Variants in PCDHA5 observed in about 807,000 individuals in gnomAD.
PCDHA5 encodes the protein protocadherin alpha 5, also known as protocadherin alpha-5.
A neutral mutation model predicts 61.6 loss-of-function variants in PCDHA5; 43 were observed. That is an observed-to-expected ratio of 0.70 (90% confidence interval 0.55 to 0.90). The LOEUF is 0.90. PCDHA5 is among the 40% of genes least tolerant of loss of function. The pLI is 0.00. For missense variants in PCDHA5, 1,298 were observed against 1,222.7 expected, an observed-to-expected ratio of 1.06 and a Z score of -0.92; for synonymous variants, 627 against 543.9, an observed-to-expected ratio of 1.15 and a Z score of -2.13.
chr5:140,886,841 A>AG (rs1432829346), intron 1 of PCDHA5, among the ~76,000 whole-genome samples: 1 of 151,546 alleles, frequency 6.6e-6, no homozygotes, highest in Non-Finnish European at 1.5e-5. Flanking sequence ...AAAAAAAAAA[A>AG]AAAAAAGAAA....
At chr5:140,917,318 A>G (rs961734758) in intron 1 of PCDHA5, among the ~76,000 whole-genome samples, 1 of 99,850 alleles carries the variant, frequency 1.0e-5, no homozygotes, top group South Asian at 3.3e-4. Context: ...TTTGGTGTTC[A>G]TGTGGCGGGG....
intron 1 of PCDHA5, chr5:140,867,287 A>T (rs1264218929): frequency 1.3e-5 from 2 of 152,110 alleles, no homozygotes; most frequent in African/African-American, 2.4e-5. Context: ...ATGTGCTTCA[A>T]ATATCATGTT....
At chr5:140,879,047 A>G (rs931436432) in intron 1 of PCDHA5, among the ~76,000 whole-genome samples, 1 of 152,238 alleles carries the variant, frequency 6.6e-6, no homozygotes, top group African/African-American at 2.4e-5. Flanking sequence ...AAAGATAGAC[A>G]ACATTTTACC....
intron 3 of PCDHA5, 85 bp from the exon 4 acceptor site, chr5:141,009,542 T>C: frequency 6.5e-7 from 1 of 1,530,742 alleles, no homozygotes; most frequent in Admixed American, 2.1e-5. Context: ...AGCCTGCCTA[T>C]GCAGTACTCC....
chr5:140,966,449 C>CT (rs1737219736), intron 1 of PCDHA5: 1 of 425,908 alleles, frequency 2.3e-6, no homozygotes, highest in South Asian at 9.0e-5. Context: ...CCCTTTCCCC[C>CT]TCCCCCTCTG....
chr5:140,906,965 G>T (rs1273243518), intron 1 of PCDHA5, among the ~76,000 whole-genome samples: 1 of 152,124 alleles, frequency 6.6e-6, no homozygotes, highest in Non-Finnish European at 1.5e-5. Flanking sequence ...ATGGAATCGT[G>T]GTTGTGTCTT....
chr5:140,928,550 C>A (rs781857799), intron 1 of PCDHA5: 1 of 1,614,160 alleles, frequency 6.2e-7, no homozygotes, highest in South Asian at 1.1e-5. Flanking sequence ...GACAATTATC[C>A]GGTTATCTTG....
At chr5:140,860,138 T>C (rs2046209991) in intron 1 of PCDHA5, 2 of 150,752 alleles carry the variant, frequency 1.3e-5, no homozygotes, top group Admixed American at 1.3e-4. Flanking sequence ...TGTGTGTATA[T>C]ATATGTATAT....
At chr5:140,952,104 C>T (rs1009516552) in intron 1 of PCDHA5, among the ~76,000 whole-genome samples, 3 of 152,102 alleles carry the variant, frequency 2.0e-5, no homozygotes, top group South Asian at 2.1e-4. Flanking sequence ...AGGGCACACT[C>T]GTGTGAGGGA....
Position 140,823,702 on chromosome 5 carries a change from C to A in PCDHA5, c.1927C>A (p.Arg643Ser). The change falls in exon 1 of 4, where the codon CGC (arginine) becomes AGC (serine). Residue 643 changes from arginine (R) to serine (S), a missense_variant. Arg to Ser is a moderately radical substitution (Grantham distance 110). Coordinates refer to ENST00000529859, the MANE Select transcript of PCDHA5 (RefSeq NM_018908.3). ...TRSLDETEAP[R>S]HRLLVLVKDH... ...CTCTCTGGATGAGACCGAAGCACCG[C>A]GCCACCGCCTTCTGGTGCTGGTGAA... The A allele has an allele frequency of 6.2e-7, 1 of 1,613,952 alleles. No individual in the cohort carries two copies. The highest frequency in any genetic ancestry group is 8.5e-7 in the Non-Finnish European group (1 of 1,179,934).
intron 3 of PCDHA5, among the ~76,000 whole-genome samples, chr5:141,004,729 T>A (rs782339918): frequency 6.6e-6 from 1 of 152,144 alleles, no homozygotes; most frequent in African/African-American, 2.4e-5. Context: ...TTAAATACAT[T>A]TCTCTCTTTT....
At chr5:140,903,545 C>T (rs1562939927) in intron 1 of PCDHA5, among the ~76,000 whole-genome samples, 3 of 152,130 alleles carry the variant, frequency 2.0e-5, no homozygotes, top group Non-Finnish European at 4.4e-5. Context: ...GAGCAAGAAA[C>T]TTTTCTAATA....
intron 1 of PCDHA5, among the ~76,000 whole-genome samples, chr5:140,977,306 C>T (rs995052680): frequency 6.6e-6 from 1 of 152,150 alleles, no homozygotes; most frequent in African/African-American, 2.4e-5. Context: ...GACAAGCTAA[C>T]GATAGTGCTC....
At chr5:140,884,469 C>A in intron 1 of PCDHA5, 1 of 1,613,766 alleles carries the variant, frequency 6.2e-7, no homozygotes, top group Non-Finnish European at 8.5e-7. Flanking sequence ...GCGTGCGCGC[C>A]GGGCAAGCCC....
At chr5:140,875,685 C>G (rs563250653) in intron 1 of PCDHA5, 1 of 1,613,816 alleles carries the variant, frequency 6.2e-7, no homozygotes. Context: ...CCAAAAGACA[C>G]GGGGACCTTC....
At chr5:140,895,897 C>T (rs994708254) in intron 1 of PCDHA5, among the ~76,000 whole-genome samples, 25 of 152,240 alleles carry the variant, frequency 1.6e-4, no homozygotes, top group African/African-American at 5.3e-4. Flanking sequence ...CTGCAACCTC[C>T]GCGTCCCGGG....
intron 1 of PCDHA5, among the ~76,000 whole-genome samples, chr5:140,913,578 A>G (rs1206858917): frequency 2.0e-5 from 3 of 152,072 alleles, no homozygotes; most frequent in Non-Finnish European, 2.9e-5. Context: ...CATTTCAAAT[A>G]TATTTCTGCT....
intron 1 of PCDHA5, chr5:140,884,124 G>T: frequency 6.2e-7 from 1 of 1,613,344 alleles, no homozygotes; most frequent in South Asian, 1.1e-5. Flanking sequence ...GTCGGCGCGC[G>T]CATCCCGTTC....
chr5:140,821,790 G>C lies in PCDHA5; in HGVS notation c.15G>C (p.Arg5=). 6.2e-7 allele frequency: 1 copy of C among 1,612,306 alleles called. No individual in the cohort carries two copies. Among genetic ancestry groups the C allele is most frequent in the Non-Finnish European group, 8.5e-7 (1 of 1,179,014 alleles). ...ACGAGATTGAGATGGTATATTCCCG[G>C]AGAGGAAGTCTGGGATCCCGGCTCC... MVYS[R]RGSLGSRLLL... is the part of the protein sequence containing the mutation. The change falls in exon 1 of 4, where the codon CGG becomes CGC. Residue 5 remains arginine (R), a synonymous_variant. Transcript: ENST00000529859.
Sources: allele counts gnomAD v4.1 joint callset (sites outside exome capture counted in the v4.1 genomes callset), GRCh38; gene constraint gnomAD v4.1.1; transcripts MANE v1.5; gene names NCBI Gene and HGNC (gene_info 2026-07-23, HGNC 2026-07-21).